The following TECTA variants were observed in gnomAD, a reference collection of about 807,000 sequenced individuals.
TECTA encodes the protein tectorin alpha.
In TECTA, 128 loss-of-function variants were observed where a neutral mutation model predicts 216.8. The observed-to-expected ratio is 0.59, with a 90% confidence interval of 0.51 to 0.68. The LOEUF (loss-of-function observed/expected upper bound fraction) is 0.68. TECTA is among the 30% of genes least tolerant of loss of function. TECTA has a pLI of 0.00. For missense variants in TECTA, 2,551 were observed against 2,786.2 expected (o/e 0.92, Z 1.90); for synonymous variants, 1,089 against 1,117.1 (o/e 0.97, Z 0.50).
At chr11:121,189,557 G>A (rs1479645501) in intron 22 of TECTA, among the ~76,000 whole-genome samples, 1 of 152,184 alleles carries the variant, frequency 6.6e-6, no homozygotes, top group Non-Finnish European at 1.5e-5. Flanking sequence ...TGTATTTTTA[G>A]TAGAGACGGG....
rs751356645 is a variant in TECTA, at chr11:121,168,106, A to G, written c.5639A>G (p.Asn1880Ser). The stretch of plus-strand genomic sequence containing the variant: ...AACACACTCTGGATCGAAAGCGCCA[A>G]CAACACTGGCAACATCATCACCAGG... Reference protein sequence around the residue: ...YKNTLWIESANNTGNIITRDR... With the variant: ...YKNTLWIESASNTGNIITRDR... Residue 1880 changes from asparagine (N) to serine (S), a missense_variant, in exon 19 of 24, where the codon AAC (asparagine) becomes AGC (serine). By Grantham distance (46) the Asn-to-Ser change is conservative. Coordinates refer to ENST00000392793, the MANE Select transcript of TECTA (RefSeq NM_005422.4). 8.1e-6 allele frequency: 13 copies of G among 1,614,242 alleles called. No homozygotes were observed. The South Asian group carries it at 1.3e-4, about 16-fold the overall frequency.
chr11:121,180,200 G>T (rs1011762172), intron 20 of TECTA, among the ~76,000 whole-genome samples: 1 of 151,810 alleles, frequency 6.6e-6, no homozygotes, highest in Non-Finnish European at 1.5e-5. Flanking sequence ...TTTCGGTTTT[G>T]TGTATATGAT....
At chr11:121,119,030 C>T (rs1172361795) in intron 7 of TECTA, among the ~76,000 whole-genome samples, 1 of 151,688 alleles carries the variant, frequency 6.6e-6, no homozygotes, top group Non-Finnish European at 1.5e-5. Flanking sequence ...CACACACACA[C>T]ACACACACAG....
intron 3 of TECTA, 42 bp downstream of exon 3, chr11:121,106,006 C>A: frequency 6.2e-7 from 1 of 1,614,038 alleles, no homozygotes; most frequent in Admixed American, 1.7e-5. Flanking sequence ...CTGGCCCTCC[C>A]TTTTGTTTGT....
At chr11:121,164,983 C>T (rs1311959642) in intron 16 of TECTA, among the ~76,000 whole-genome samples, 5 of 152,224 alleles carry the variant, frequency 3.3e-5, no homozygotes, top group Admixed American at 6.5e-5. Context: ...GTCTTCACCA[C>T]TTACCTTCAC....
At chr11:121,184,323 A>G (rs1947260191) in intron 20 of TECTA, among the ~76,000 whole-genome samples, 1 of 152,160 alleles carries the variant, frequency 6.6e-6, no homozygotes, top group South Asian at 2.1e-4. Context: ...TGACCTTGTT[A>G]GACACTGGCA....
rs762612501 is a variant in TECTA at position 121,127,773 on chromosome 11, G to C, written c.1796G>C (p.Ser599Thr). 6.2e-7 allele frequency: 1 copy of C among 1,614,168 alleles called. No homozygotes were observed. The highest frequency in any genetic ancestry group is 1.1e-5 in the South Asian group (1 of 91,082). ...TGCVSTVQCP[S>T]FSHYSVCTSS... is the part of the protein sequence containing the mutation. ...TCAGTGTCCACAGTGCAGTGCCCGA[G>C]CTTCAGCCACTACTCCGTGTGCACA... The change falls in exon 9 of 24, where the codon AGC becomes ACC. Residue 599 changes from serine to threonine, a missense_variant. This residue lies in a region of TECTA where 2,375 missense variants were observed against 2,563.9 expected (regional missense o/e 0.93). Transcript: ENST00000392793. The surrounding 1 kb of genome is among the most constrained non-coding windows in gnomAD (Gnocchi z 5.0).
chr11:121,121,044 G>T (rs893331370), intron 7 of TECTA, among the ~76,000 whole-genome samples: 1 of 152,236 alleles, frequency 6.6e-6, no homozygotes, highest in East Asian at 1.9e-4. Context: ...GAGAAGTGGA[G>T]AGAACCTGGC....
chr11:121,126,873 T>A (rs1051714853), intron 8 of TECTA, among the ~76,000 whole-genome samples: 1 of 152,246 alleles, frequency 6.6e-6, no homozygotes, highest in African/African-American at 2.4e-5. Context: ...TGGCTTCTCT[T>A]TGATCCTTAC....
chr11:121,119,426 T>C (rs1482840498), intron 7 of TECTA, among the ~76,000 whole-genome samples: 1 of 152,000 alleles, frequency 6.6e-6, no homozygotes, highest in Non-Finnish European at 1.5e-5. Flanking sequence ...GTTTAGCATA[T>C]GCAAATGATT....
At chr11:121,170,061 A>G (rs1947095740) in intron 20 of TECTA, among the ~76,000 whole-genome samples, 1 of 152,104 alleles carries the variant, frequency 6.6e-6, no homozygotes, top group African/African-American at 2.4e-5. Flanking sequence ...ACTTCCATGA[A>G]ATCAACTTTT....
chr11:121,128,633 A>G (rs1361691528), intron 9 of TECTA, among the ~76,000 whole-genome samples: 1 of 152,230 alleles, frequency 6.6e-6, no homozygotes, highest in African/African-American at 2.4e-5. Context: ...TAAGCCCCTT[A>G]TAAGCAGTAT....
At position 121,109,124 on chromosome 11, in the gene TECTA, C is replaced by G. The variant is rs117889729; in HGVS notation, c.199-87C>G. 0.015 allele frequency: 21,901 copies of G among 1,459,826 alleles called. 199 individuals are homozygous for G. Among genetic ancestry groups the G allele is most frequent in the Non-Finnish European group, 0.018 (18,732 of 1,051,784 alleles). 90.4% of individuals were successfully genotyped at this position (1,459,826 alleles called of 1,614,324 possible). On this transcript the variant is annotated intron_variant, in intron 3 of 23. Transcript: ENST00000392793. ...AGTTTAAAAGTTGTTTTCATTCATACAGTTAGGCGAATGTCTGTCTTGGTT... is the reference window on the plus strand; with the variant it reads ...AGTTTAAAAGTTGTTTTCATTCATAGAGTTAGGCGAATGTCTGTCTTGGTT...
At position 121,127,944 on chromosome 11, in the gene TECTA, G is replaced by C; in HGVS notation, c.1967G>C (p.Gly656Ala). Residue 656 changes from glycine (G) to alanine (A), a missense_variant, in exon 9 of 24, where the codon GGC becomes GCC. This residue lies in a region of TECTA where 2,375 missense variants were observed against 2,563.9 expected (regional missense o/e 0.93). Coordinates refer to ENST00000392793, the MANE Select transcript of TECTA (RefSeq NM_005422.4). The surrounding 1 kb of genome is among the most constrained non-coding windows in gnomAD (Gnocchi z 5.0). ...PLHKCGCDFD[G>A]HYYTMGEFFW... ...CACAAGTGCGGCTGCGACTTCGACG[G>C]CCACTACTACACCATGGGGGAGTTC... The C allele has an allele frequency of 1.2e-6, 2 of 1,614,146 alleles. No individual in the cohort carries two copies. Among genetic ancestry groups the C allele is most frequent in the Non-Finnish European group, 1.7e-6 (2 of 1,180,026 alleles).
intron 23 of TECTA, 59 bp downstream of exon 23, chr11:121,189,939 C>A: frequency 7.1e-7 from 1 of 1,415,798 alleles, no homozygotes; most frequent in Non-Finnish European, 1.0e-6. Context: ...TCTTTACCAC[C>A]AGAAGGAGAA....
At chr11:121,120,792 C>T (rs767387754) in intron 7 of TECTA, among the ~76,000 whole-genome samples, 2 of 152,218 alleles carry the variant, frequency 1.3e-5, no homozygotes, top group South Asian at 2.1e-4. Flanking sequence ...CTTTCTTCCC[C>T]GCGTGAACAC....
At position 121,158,206 on chromosome 11, in the gene TECTA, C is replaced by T. The variant is rs1223709038; in HGVS notation, c.4671C>T (p.Asn1557=). Residue 1557 remains asparagine, a synonymous_variant, in exon 14 of 24, where the codon AAC becomes AAT. Transcript: ENST00000392793. ...FYINEEQILI[N]DRNTVKVNGT... is the part of the protein sequence containing the mutation. The stretch of plus-strand genomic sequence containing the variant: ...TTAACGAAGAGCAGATTCTCATCAA[C>T]GACCGGAACACGGTCAAGGTAACCA... 6.2e-7 allele frequency: 1 copy of T among 1,613,324 alleles called. No individual in the cohort carries two copies. Among genetic ancestry groups the T allele is most frequent in the Non-Finnish European group, 8.5e-7 (1 of 1,180,040 alleles).
rs746713225 is a variant in TECTA at position 121,109,232 on chromosome 11, T to C, written c.220T>C (p.Ser74Pro). 1 of 1,614,186 alleles carries C rather than the reference T, an allele frequency of 6.2e-7. No individual in the cohort carries two copies. Among genetic ancestry groups the C allele is most frequent in the Admixed American group, 1.7e-5 (1 of 60,026 alleles). The change falls in exon 4 of 24, where the codon TCC becomes CCC. Residue 74 changes from serine to proline, a missense_variant. Around this residue, in one of 3 missense-constraint regions of TECTA, gnomAD observed 2,375 missense variants for 2,563.9 expected, o/e 0.93. Transcript: ENST00000392793. ...GTAGGTCAATAACAACGGAGTTGTTTCCTTCAATGTGCTAGTGAGCCAGTT... is the reference window on the plus strand; with the variant it reads ...GTAGGTCAATAACAACGGAGTTGTTCCCTTCAATGTGCTAGTGAGCCAGTT... ...TVYVNNNGVV[S>P]FNVLVSQFTP...
At chr11:121,168,386 C>A in intron 19 of TECTA, 169 bp downstream of exon 19, 2 of 983,960 alleles carry the variant, frequency 2.0e-6, no homozygotes, top group Non-Finnish European at 3.1e-6. Flanking sequence ...CTCTCTGTGA[C>A]GATGGAAATA....
Sources: gnomAD v4.1 joint callset for allele counts (sites outside exome capture counted in the v4.1 genomes callset) on GRCh38, gnomAD v4.1.1 for gene constraint, gnomAD v4.1.1 regional missense constraint, Gnocchi (gnomAD v3.1) non-coding constraint, MANE v1.5 for transcripts, NCBI Gene and HGNC (gene_info 2026-07-23, HGNC 2026-07-21) for gene names.